TEX9: variants seen among roughly 807,000 people sequenced by gnomAD.
TEX9 encodes the protein testis-expressed protein 9.
TEX9 carries 74 observed loss-of-function variants against 59.6 expected under a neutral mutation model. The ratio of observed to expected loss-of-function variants is 1.24; its 90% CI spans 1.03 to 1.51. The LOEUF is 1.51. Ranked by LOEUF, TEX9 falls within the 40% of genes most tolerant of loss-of-function variation. TEX9 has a pLI of 0.00. For synonymous variants in TEX9, 186 were observed against 152.2 expected (o/e 1.22, Z -1.64); for missense variants, 522 against 447.8 (o/e 1.17, Z -1.49).
At chr15:56,408,755 T>A (rs957752927) in intron 9 of TEX9, 13 of 152,376 alleles carry the variant, frequency 8.5e-5, no homozygotes, top group African/African-American at 3.1e-4. Flanking sequence ...CAACAAGTCC[T>A]GTCAATTCTG....
chr15:56,425,188 G>A (rs1431038744), intron 10 of TEX9, among the ~76,000 whole-genome samples: 2 of 152,042 alleles, frequency 1.3e-5, no homozygotes, highest in African/African-American at 2.4e-5. Context: ...TCTGACACTC[G>A]ACTGATTAAA....
chr15:56,412,431 A>T, exon 10 of TEX9: 1 of 1,607,200 alleles, frequency 6.2e-7, no homozygotes, highest in Non-Finnish European at 8.5e-7. Context: ...AAGGCAAAAT[A>T]ACAAGGTATG....
chr15:56,442,944 T>A (rs2140355471), intron 12 of TEX9, among the ~76,000 whole-genome samples: 1 of 152,238 alleles, frequency 6.6e-6, no homozygotes, highest in Admixed American at 6.5e-5. Context: ...TGATTGTGGA[T>A]TTGCCTCTTT....
intron 12 of TEX9, among the ~76,000 whole-genome samples, chr15:56,437,010 A>C (rs1596256612): frequency 6.6e-6 from 1 of 152,190 alleles, no homozygotes; most frequent in East Asian, 1.9e-4. Flanking sequence ...TCACAGCCGA[A>C]TTCTACCAGA....
chr15:56,276,823 A>T (rs149392635), intron 1 of TEX9, among the ~76,000 whole-genome samples: 3 of 152,176 alleles, frequency 2.0e-5, no homozygotes, highest in Admixed American at 1.3e-4. Context: ...ATTTCTCCGC[A>T]TCCTTGCCAG....
intron 3 of TEX9, among the ~76,000 whole-genome samples, chr15:56,379,381 C>T (rs1218880059): frequency 6.6e-6 from 1 of 152,088 alleles, no homozygotes; most frequent in African/African-American, 2.4e-5. Context: ...TTATTAATTT[C>T]TAGTTTTATT....
At chr15:56,263,307 G>T (rs1179557049) in intron 1 of TEX9, among the ~76,000 whole-genome samples, 2 of 152,190 alleles carry the variant, frequency 1.3e-5, no homozygotes, top group Admixed American at 1.3e-4. Flanking sequence ...ACAGGCGTGA[G>T]CCACCGTGCC....
At chr15:56,427,400 CAT>C (rs1293577806) in intron 10 of TEX9, among the ~76,000 whole-genome samples, 1 of 151,954 alleles carries the variant, frequency 6.6e-6, no homozygotes, top group Non-Finnish European at 1.5e-5. Flanking sequence ...ATTTTAAAAA[CAT>C]TTTTTAAAAA....
At chr15:56,345,038 G>GATATATATAT (rs58688246) in intron 1 of TEX9, among the ~76,000 whole-genome samples, 1 of 141,504 alleles carries the variant, frequency 7.1e-6, no homozygotes, top group African/African-American at 2.6e-5. Context: ...TATCTATCTG[G>GATATATATAT]ATATATATAT....
chr15:56,288,116 T>C (rs761791820), intron 1 of TEX9, among the ~76,000 whole-genome samples: 3 of 152,176 alleles, frequency 2.0e-5, no homozygotes, highest in Non-Finnish European at 4.4e-5. Context: ...CCATAATGGT[T>C]GCACTATTCA....
At chr15:56,340,505 T>G (rs2718910) in intron 1 of TEX9, among the ~76,000 whole-genome samples, 79,146 of 151,954 alleles carry the variant, frequency 0.52, 20,753 homozygotes, top group Non-Finnish European at 0.55. Context: ...AATAAGCCAT[T>G]GCTTTTTTCA....
At chr15:56,271,285 A>G (rs1489424372) in intron 1 of TEX9, among the ~76,000 whole-genome samples, 2 of 152,020 alleles carry the variant, frequency 1.3e-5, no homozygotes, top group Admixed American at 1.3e-4. Context: ...TCAAACGTAG[A>G]TTTGATCTTT....
At chr15:56,306,624 G>A (rs2045491808) in intron 1 of TEX9, among the ~76,000 whole-genome samples, 1 of 152,108 alleles carries the variant, frequency 6.6e-6, no homozygotes, top group Admixed American at 6.6e-5. Flanking sequence ...TTTAGAGTTG[G>A]GGGAAGTGGG....
intron 10 of TEX9, among the ~76,000 whole-genome samples, chr15:56,425,887 G>T (rs1398970142): frequency 6.6e-6 from 1 of 152,118 alleles, no homozygotes; most frequent in African/African-American, 2.4e-5. Context: ...TCAGCATGGT[G>T]TAAAGTCTTG....
intron 1 of TEX9, among the ~76,000 whole-genome samples, chr15:56,340,535 T>A (rs2713927): frequency 1 from 152,206 of 152,308 alleles, 76,052 homozygotes; most frequent in Middle Eastern, 1. Flanking sequence ...AATCCATCTC[T>A]GCTTATGAGA....
intron 9 of TEX9, among the ~76,000 whole-genome samples, chr15:56,400,094 G>A (rs973214042): frequency 3.3e-5 from 5 of 152,188 alleles, no homozygotes; most frequent in African/African-American, 9.7e-5. Context: ...AAGAATTGCA[G>A]CTCCTTTCCA....
chr15:56,360,000 TTTC>T (rs2141915329), intron 1 of TEX9, among the ~76,000 whole-genome samples: 1 of 152,320 alleles, frequency 6.6e-6, no homozygotes, highest in East Asian at 1.9e-4. Flanking sequence ...TCATATAATT[TTTC>T]TTCTTTATCC....
In TEX9 at chr15:56,431,415, A is replaced by T. The variant is rs1224239966; in HGVS notation, c.*29+2942A>T. The stretch of plus-strand genomic sequence containing the variant: ...GTAAGTTTGTAGCATGCTCTTTAAG[A>T]AGTTTTAGCCTTTCTTCTTCAATAA... On this transcript the variant is annotated intron_variant, in intron 12 of 12. Coordinates refer to ENST00000352903, the Ensembl canonical transcript of TEX9. The T allele has an allele frequency of 5.6e-6, 9 of 1,613,376 alleles. No individual in the cohort carries two copies. In the Admixed American group the frequency reaches 8.3e-5, roughly 15 times the overall value.
At chr15:56,267,031 G>T (rs867331066) in intron 1 of TEX9, among the ~76,000 whole-genome samples, 1 of 152,210 alleles carries the variant, frequency 6.6e-6, no homozygotes, top group African/African-American at 2.4e-5. Flanking sequence ...ACTGGTGTGA[G>T]ATGGTATCTC....
Sources: allele counts gnomAD v4.1 joint callset (sites outside exome capture counted in the v4.1 genomes callset), GRCh38; gene constraint gnomAD v4.1.1; transcripts MANE v1.5; gene names NCBI Gene and HGNC (gene_info 2026-07-23, HGNC 2026-07-21).